BTBD9: variants seen among roughly 807,000 people sequenced by gnomAD.
BTBD9 encodes BTB domain containing 9.
Under a neutral mutation model 64.3 loss-of-function variants are expected in BTBD9, and 49 were observed. That is an observed-to-expected ratio of 0.76 (90% CI 0.61 to 0.97). The LOEUF (loss-of-function observed/expected upper bound fraction) is 0.97. Among genes scored for constraint, BTBD9 ranks in the 50% least tolerant of loss-of-function variants. The pLI, the probability that BTBD9 is intolerant of heterozygous loss-of-function variation, is 0.00. For missense variants in BTBD9, 598 were observed against 762.1 expected (o/e 0.78, Z 2.53); for synonymous variants, 260 against 274.7 (o/e 0.95, Z 0.53).
At chr6:38,208,012 G>A (rs916122108) in intron 9 of BTBD9, among the ~76,000 whole-genome samples, 2 of 151,990 alleles carry the variant, frequency 1.3e-5, no homozygotes, top group Non-Finnish European at 2.9e-5. Context: ...AAAAAGCAGA[G>A]CCTAAGAAAG....
Position 38,173,664 on chromosome 6 carries a change from AC to A in BTBD9, c.*1320del, listed in dbSNP as rs1766882694. On this transcript the variant is annotated 3_prime_UTR_variant, in exon 11 of 11. Coordinates refer to ENST00000481247, the MANE Select transcript of BTBD9 (RefSeq NM_001099272.2). ...CCTGAAAGGAAACTCCCACGCCCTC[AC>A]CCTCCTTTGATCAGGGTTGCAGGTT... The A allele has an allele frequency of 6.6e-6, 1 of 152,128 alleles. No homozygotes were observed. Among genetic ancestry groups the A allele is most frequent in the Non-Finnish European group, 1.5e-5 (1 of 68,064 alleles). The allele number at this position is 152,128 out of a possible 1,614,324, so 9.4% of individuals were successfully genotyped here.
At chr6:38,192,778 G>A (rs986874778) in intron 9 of BTBD9, among the ~76,000 whole-genome samples, 181 bp from the exon 10 acceptor site, 4 of 152,060 alleles carry the variant, frequency 2.6e-5, no homozygotes, top group East Asian at 1.9e-4. Flanking sequence ...GACATACACA[G>A]TGTCCCTATT....
chr6:38,405,045 A>G (rs1467568487), intron 6 of BTBD9, among the ~76,000 whole-genome samples: 2 of 152,208 alleles, frequency 1.3e-5, no homozygotes, highest in Admixed American at 1.3e-4. Context: ...ACCTCTAAAC[A>G]ATCAGAAGAA....
intron 7 of BTBD9, among the ~76,000 whole-genome samples, chr6:38,304,373 C>T (rs778959518): frequency 2.6e-5 from 4 of 151,866 alleles, no homozygotes; most frequent in Non-Finnish European, 4.4e-5. Flanking sequence ...TAGTGAAACC[C>T]CGTTTCTACT....
chr6:38,476,183 A>C lies in BTBD9; in HGVS notation c.1154+101417T>G, dbSNP rs965030125. On this transcript the variant is annotated intron_variant, in intron 6 of 10. Transcript: ENST00000481247. The stretch of plus-strand genomic sequence containing the variant: ...AAGCTTAACGGTTAGACACTTTAAA[A>C]ATTGTTTTCAAGGCAGCACAGCACA... Among the ~76,000 whole-genome samples, 3 of 152,342 alleles carry C rather than the reference A, an allele frequency of 2.0e-5. No homozygotes were observed. In the South Asian group the frequency reaches 6.2e-4, roughly 32 times the overall value.
intron 9 of BTBD9, among the ~76,000 whole-genome samples, chr6:38,210,977 A>G (rs1238220016): frequency 6.6e-6 from 1 of 152,152 alleles, no homozygotes; most frequent in East Asian, 1.9e-4. Flanking sequence ...TCGGCCTAAC[A>G]GCTCCCCTCC....
In BTBD9 at chr6:38,609,884, C is replaced by T. The variant is rs1777553484; in HGVS notation, c.-27-11763G>A. Among the ~76,000 whole-genome samples the T allele has an allele frequency of 2.0e-5, 3 of 152,296 alleles. No individual in the cohort carries two copies. In the South Asian group the frequency reaches 6.2e-4, roughly 32 times the overall value. On this transcript the variant is annotated intron_variant, in intron 1 of 10. Transcript: ENST00000481247. Reference sequence around the variant, plus strand: ...GTATTTGACCAACTCAGCTAAAGCACCAACTTGGGATGTCACTGACACAAA... The same window carrying T: ...GTATTTGACCAACTCAGCTAAAGCATCAACTTGGGATGTCACTGACACAAA...
intron 9 of BTBD9, among the ~76,000 whole-genome samples, chr6:38,248,193 T>C (rs1298585761): frequency 6.6e-6 from 1 of 152,154 alleles, no homozygotes; most frequent in Non-Finnish European, 1.5e-5. Flanking sequence ...CTTTGCAGCA[T>C]CATTTTTAAT....
At chr6:38,337,338 G>A (rs775564383) in intron 7 of BTBD9, among the ~76,000 whole-genome samples, 6 of 152,172 alleles carry the variant, frequency 3.9e-5, no homozygotes, top group Admixed American at 2.0e-4. Flanking sequence ...AAATTTTACA[G>A]CATTCTAAAC....
chr6:38,178,844 C>CTATTTATTTATTTATT (rs148021128), intron 10 of BTBD9, among the ~76,000 whole-genome samples: 23 of 151,442 alleles, frequency 1.5e-4, no homozygotes, highest in African/African-American at 3.2e-4. Flanking sequence ...ACAAAGGAGG[C>CTATTTATTTATTTATT]TATTTATTTA....
chr6:38,474,150 ACT>A (rs1259739350), intron 6 of BTBD9, among the ~76,000 whole-genome samples: 2 of 152,168 alleles, frequency 1.3e-5, no homozygotes, highest in Non-Finnish European at 2.9e-5. Context: ...TAAAAAGAAC[ACT>A]CTAACTGCTG....
intron 4 of BTBD9, among the ~76,000 whole-genome samples, chr6:38,582,219 A>G (rs1331554126): frequency 2.0e-5 from 3 of 152,238 alleles, no homozygotes; most frequent in Non-Finnish European, 4.4e-5. Flanking sequence ...ACTTCTTACC[A>G]TCAGAAGTTT....
At chr6:38,468,496 T>C (rs1236869724) in intron 6 of BTBD9, among the ~76,000 whole-genome samples, 1 of 152,212 alleles carries the variant, frequency 6.6e-6, no homozygotes, top group East Asian at 1.9e-4. Context: ...AGTATAAATA[T>C]CGTAAGGAAA....
chr6:38,269,581 G>C (rs1765129570), intron 8 of BTBD9, among the ~76,000 whole-genome samples: 1 of 151,584 alleles, frequency 6.6e-6, no homozygotes, highest in South Asian at 2.1e-4. Context: ...AGGACCAAAG[G>C]CTAAATGGGC....
rs1042715860 is a variant in BTBD9 at position 38,184,077 on chromosome 6, G to A, written c.1641+8442C>T. Reference sequence around the variant, plus strand: ...GTGTCTGGCTTCTGTCCTTCAACACGCCGTTATGTTCATCCACCCACAGTC... The same window carrying A: ...GTGTCTGGCTTCTGTCCTTCAACACACCGTTATGTTCATCCACCCACAGTC... On this transcript the variant is annotated intron_variant, in intron 10 of 10. Transcript: ENST00000481247. This position sits in a 1 kb window ranked among gnomAD's most constrained non-coding sequence, Gnocchi z 4.4. 2.6e-5 allele frequency among the ~76,000 whole-genome samples: 4 copies of A among 152,136 alleles called. No homozygotes were observed. The highest frequency in any genetic ancestry group is 2.1e-4 in the South Asian group (1 of 4,822).
chr6:38,549,369 T>C (rs1278863241), intron 6 of BTBD9, among the ~76,000 whole-genome samples: 1 of 152,224 alleles, frequency 6.6e-6, no homozygotes, highest in Non-Finnish European at 1.5e-5. Context: ...TTTGTTCCCA[T>C]GGCATTGCCC....
intron 9 of BTBD9, among the ~76,000 whole-genome samples, chr6:38,236,099 G>A (rs1001146703): frequency 1.3e-5 from 2 of 152,156 alleles, no homozygotes; most frequent in African/African-American, 4.8e-5. Flanking sequence ...TAAGTTAGAT[G>A]TTCTTATGTA....
chr6:38,394,023 C>T (rs1271702198), intron 6 of BTBD9, among the ~76,000 whole-genome samples: 1 of 152,144 alleles, frequency 6.6e-6, no homozygotes, highest in Non-Finnish European at 1.5e-5. Flanking sequence ...TTTGGTCATT[C>T]ATCCATCCAT....
chr6:38,312,861 T>C (rs1762889011), intron 7 of BTBD9, among the ~76,000 whole-genome samples: 1 of 152,224 alleles, frequency 6.6e-6, no homozygotes, highest in African/African-American at 2.4e-5. Context: ...TTTTGTTCTT[T>C]TTGTTCAGGA....
Sources: allele counts gnomAD v4.1 joint callset (sites outside exome capture counted in the v4.1 genomes callset), GRCh38; gene constraint gnomAD v4.1.1; non-coding constraint Gnocchi (gnomAD v3.1); transcripts MANE v1.5; gene names NCBI Gene and HGNC (gene_info 2026-07-23, HGNC 2026-07-21).